MYO10: variants seen among roughly 807,000 people sequenced by gnomAD.
The protein encoded by MYO10 is myosin X, also known as unconventional myosin-X.
A neutral mutation model predicts 257.3 loss-of-function variants in MYO10; 133 were observed. The observed-to-expected ratio is 0.52, with a 90% CI of 0.45 to 0.60. The LOEUF (loss-of-function observed/expected upper bound fraction) is 0.60, where lower values mean the gene tolerates loss of function less well. MYO10 is among the 20% of genes least tolerant of loss of function. The pLI, the probability that MYO10 is intolerant of heterozygous loss-of-function variation, is 0.00. For missense variants in MYO10, 2,399 were observed against 2,635.7 expected (o/e 0.91, Z 1.97); for synonymous variants, 1,104 against 1,028.6 (o/e 1.07, Z -1.40).
At chr5:16,678,131 C>T (rs1049196363) in intron 33 of MYO10, among the ~76,000 whole-genome samples, 1 of 152,178 alleles carries the variant, frequency 6.6e-6, no homozygotes, top group African/African-American at 2.4e-5. Flanking sequence ...AGTTCCAGCA[C>T]CGAAGACTGA....
At chr5:16,706,633 A>C (rs1336080104) in intron 21 of MYO10, among the ~76,000 whole-genome samples, 1 of 152,322 alleles carries the variant, frequency 6.6e-6, no homozygotes, top group South Asian at 2.1e-4. Flanking sequence ...GATGACGTGA[A>C]CAAGTGGAAA....
chr5:16,681,894 T>G lies in MYO10; in HGVS notation c.4166A>C (p.Glu1389Ala). The change falls in exon 31 of 41, where the codon GAG becomes GCG. Residue 1389 changes from glutamate (E) to alanine (A), a missense_variant. This residue lies in a region of MYO10 where 1,820 missense variants were observed against 1,939.4 expected (regional missense o/e 0.94). Transcript: ENST00000513610. Reference protein sequence around the residue: ...LQRSKGDTRVEGQEFIVRGWL... With the variant: ...LQRSKGDTRVAGQEFIVRGWL... ...ACCTCTCACGATGAATTCCTGGCCCTCCACTCTGGTGTCCCCTTTGGACCT... is the reference window on the plus strand; with the variant it reads ...ACCTCTCACGATGAATTCCTGGCCCGCCACTCTGGTGTCCCCTTTGGACCT... The G allele has an allele frequency of 6.2e-7, 1 of 1,613,966 alleles. No homozygotes were observed. Among genetic ancestry groups the G allele is most frequent in the Non-Finnish European group, 8.5e-7 (1 of 1,179,878 alleles).
chr5:16,699,758 G>C, intron 25 of MYO10, 185 bp from the exon 26 acceptor site: 1 of 377,846 alleles, frequency 2.6e-6, no homozygotes, highest in East Asian at 5.9e-5. Flanking sequence ...CTGCACTCCA[G>C]CCTGGGCAAC....
At position 16,771,928 on chromosome 5, in the gene MYO10, T is replaced by C. The variant is rs571939347; in HGVS notation, c.931-2725A>G. 2.0e-5 allele frequency among the ~76,000 whole-genome samples: 3 copies of C among 150,550 alleles called. No homozygotes were observed. In the South Asian group the frequency reaches 6.3e-4, roughly 31 times the overall value. ...TATTATTGACCCAACTCTGTTACTT[T>C]ATAAAGACATAAAAAAGAAATCTAT... is the stretch of plus-strand genomic sequence containing the variant. On this transcript the variant is annotated intron_variant, in intron 9 of 40. Coordinates refer to ENST00000513610, the MANE Select transcript of MYO10 (RefSeq NM_012334.3).
intron 1 of MYO10, among the ~76,000 whole-genome samples, chr5:16,903,955 A>C (rs1401014369): frequency 6.6e-6 from 1 of 152,066 alleles, no homozygotes; most frequent in African/African-American, 2.4e-5. Context: ...CTGACATCCA[A>C]CTCTAAGATC....
intron 4 of MYO10, among the ~76,000 whole-genome samples, chr5:16,792,130 CACAGAG>C (rs1199734720): frequency 1.2e-3 from 99 of 80,674 alleles, no homozygotes; most frequent in Non-Finnish European, 2.4e-3. Flanking sequence ...CACACACACA[CACAGAG>C]AGAGAGAGAG....
At chr5:16,696,464 G>A (rs39903) in intron 26 of MYO10, among the ~76,000 whole-genome samples, 31,012 of 152,044 alleles carry the variant, frequency 0.2, 3,312 homozygotes, top group East Asian at 0.29. Flanking sequence ...AAGAGATGCC[G>A]AAAACTCACC....
chr5:16,832,074 G>A (rs188385709), intron 2 of MYO10, among the ~76,000 whole-genome samples: 1 of 152,198 alleles, frequency 6.6e-6, no homozygotes, highest in Admixed American at 6.5e-5. Flanking sequence ...CCCCAACCAG[G>A]TAGCTGGGAC....
intron 1 of MYO10, among the ~76,000 whole-genome samples, chr5:16,920,235 C>A (rs1199695267): frequency 6.6e-6 from 1 of 152,190 alleles, no homozygotes; most frequent in African/African-American, 2.4e-5. Flanking sequence ...CATTGCGCCA[C>A]TGCACTCCAG....
At chr5:16,741,101 C>T (rs570749326) in intron 19 of MYO10, among the ~76,000 whole-genome samples, 2 of 152,308 alleles carry the variant, frequency 1.3e-5, no homozygotes, top group East Asian at 3.9e-4. Flanking sequence ...CAACTGAACA[C>T]CATTCCTCCA....
chr5:16,703,804 C>T (rs1738198475), intron 22 of MYO10, among the ~76,000 whole-genome samples: 1 of 148,106 alleles, frequency 6.8e-6, no homozygotes, highest in African/African-American at 2.5e-5. Context: ...ATCACTTGAA[C>T]CCGGGAGGCG....
At chr5:16,904,595 G>T (rs1400007270) in intron 1 of MYO10, among the ~76,000 whole-genome samples, 1 of 152,162 alleles carries the variant, frequency 6.6e-6, no homozygotes, top group African/African-American at 2.4e-5. Flanking sequence ...TGCTTGCCTG[G>T]TGTCTGGGGA....
chr5:16,818,012 T>C lies in MYO10; in HGVS notation c.276A>G (p.Ile92Met), dbSNP rs1392631001. The C allele has an allele frequency of 6.5e-7, 1 of 1,548,844 alleles. No individual in the cohort carries two copies. The highest frequency in any genetic ancestry group is 8.8e-7 in the Non-Finnish European group (1 of 1,138,536). The change falls in exon 3 of 41, where the codon ATA (isoleucine) becomes ATG (methionine). Residue 92 changes from isoleucine to methionine, a missense_variant. This residue lies in a region of MYO10 where 242 missense variants were observed against 249.5 expected (regional missense o/e 0.97). Coordinates refer to ENST00000513610, the MANE Select transcript of MYO10 (RefSeq NM_012334.3). ...NLFQRYKRNQIYTYIGSILAS... is the reference protein window; with the variant it reads ...NLFQRYKRNQMYTYIGSILAS... Reference sequence around the variant, plus strand: ...AGGAATTACAAGTGGAACTTACATATATTTGATTTCTCTTATACCGCTGGA... The same window carrying C: ...AGGAATTACAAGTGGAACTTACATACATTTGATTTCTCTTATACCGCTGGA...
intron 2 of MYO10, among the ~76,000 whole-genome samples, chr5:16,846,925 CTGGCCAACA>C (rs2126731987): frequency 6.6e-6 from 1 of 151,998 alleles, no homozygotes; most frequent in East Asian, 1.9e-4. Context: ...TGAGACCAGC[CTGGCCAACA>C]TGGTGAAACC....
intron 26 of MYO10, among the ~76,000 whole-genome samples, chr5:16,697,756 T>C (rs561060596): frequency 1.4e-5 from 2 of 147,040 alleles, no homozygotes; most frequent in Non-Finnish European, 3.0e-5. Flanking sequence ...TAAATGTAAA[T>C]GAAGAAAGAC....
intron 17 of MYO10, among the ~76,000 whole-genome samples, chr5:16,761,249 C>A (rs1479589896): frequency 3.3e-5 from 5 of 152,132 alleles, no homozygotes; most frequent in Non-Finnish European, 7.4e-5. Flanking sequence ...CCTTGGCATC[C>A]CAAAGTGCTG....
Position 16,769,212 on chromosome 5 carries a change from A to G in MYO10, c.931-9T>C. On this transcript the variant is annotated splice_polypyrimidine_tract_variant and intron_variant, in intron 9 of 40. Coordinates refer to ENST00000513610, the MANE Select transcript of MYO10 (RefSeq NM_012334.3). ...ATCACGTCCATTGCCGTCTAGAAGAAAATAAATGTATTTAATTTTATGTCG... is the reference window on the plus strand; with the variant it reads ...ATCACGTCCATTGCCGTCTAGAAGAGAATAAATGTATTTAATTTTATGTCG... 1 of 1,586,610 alleles carries G rather than the reference A, an allele frequency of 6.3e-7. No individual in the cohort carries two copies.
At chr5:16,816,038 TG>T (rs1237454976) in intron 3 of MYO10, among the ~76,000 whole-genome samples, 4 of 137,096 alleles carry the variant, frequency 2.9e-5, no homozygotes, top group Non-Finnish European at 4.6e-5. Context: ...ACTTTCACAG[TG>T]TAAAAAAAAA....
chr5:16,741,218 A>C (rs553563945), intron 19 of MYO10, among the ~76,000 whole-genome samples: 5 of 152,312 alleles, frequency 3.3e-5, no homozygotes, highest in Admixed American at 3.3e-4. Context: ...ATGCCTCATC[A>C]GGTTTTTCCA....
Sources: allele counts gnomAD v4.1 joint callset (sites outside exome capture counted in the v4.1 genomes callset), GRCh38; gene constraint gnomAD v4.1.1; regional missense constraint gnomAD v4.1.1; transcripts MANE v1.5; gene names NCBI Gene and HGNC (gene_info 2026-07-23, HGNC 2026-07-21).